RYR3: variants seen among roughly 807,000 people sequenced by gnomAD.
The protein encoded by RYR3 is ryanodine receptor 3.
Under a neutral mutation model 584.3 loss-of-function variants are expected in RYR3, and 207 were observed. The ratio of observed to expected loss-of-function variants is 0.35; its 90% CI spans 0.32 to 0.40. The LOEUF (loss-of-function observed/expected upper bound fraction) is 0.40, where lower values mean the gene tolerates loss of function less well. RYR3 is among the 10% of genes least tolerant of loss of function. The pLI is 1.00. For synonymous variants in RYR3, 2,416 were observed against 2,248.5 expected (o/e 1.07, Z -2.11); for missense variants, 5,616 against 6,089.2 (o/e 0.92, Z 2.59).
intron 1 of RYR3, among the ~76,000 whole-genome samples, chr15:33,355,853 G>A (rs758922183): frequency 2.0e-5 from 3 of 152,124 alleles, no homozygotes; most frequent in Non-Finnish European, 2.9e-5. Flanking sequence ...CTAGGTTCCC[G>A]CCACACAATT....
chr15:33,857,580 C>T (rs1367422459), intron 98 of RYR3, among the ~76,000 whole-genome samples, 200 bp from the exon 99 acceptor site: 2 of 152,152 alleles, frequency 1.3e-5, no homozygotes, highest in Admixed American at 6.5e-5. Context: ...TGCCAGGAAG[C>T]CCGCTTCTCT....
At chr15:33,490,808 C>T (rs74762755) in intron 2 of RYR3, among the ~76,000 whole-genome samples, 2 of 150,650 alleles carry the variant, frequency 1.3e-5, no homozygotes, top group Non-Finnish European at 3.0e-5. Context: ...ATTTTTACAA[C>T]CTTCTCTGGT....
chr15:33,662,238 G>A lies in RYR3; in HGVS notation c.4708G>A (p.Ala1570Thr), dbSNP rs774393965. 40 of 1,608,982 alleles carry A rather than the reference G, an allele frequency of 2.5e-5. No homozygotes were observed. The highest frequency in any genetic ancestry group is 8.4e-5 in the Admixed American group (5 of 59,322). The part of the protein sequence containing the change: ...HTLRLYSAVC[A>T]LGNSRVAYAL... The stretch of plus-strand genomic sequence containing the variant: ...GCTGAGGCTCTACAGCGCGGTGTGC[G>A]CCCTGGGAAACAGCCGCGTGGCCTA... Residue 1570 changes from alanine (A) to threonine (T), a missense_variant, in exon 35 of 104, where the codon GCC becomes ACC. Ala to Thr is a moderately conservative substitution (Grantham distance 58). This residue lies in a region of RYR3 where 753 missense variants were observed against 741.0 expected (regional missense o/e 1.02). Coordinates refer to ENST00000634891, the MANE Select transcript of RYR3 (RefSeq NM_001036.6).
At chr15:33,750,508 C>A (rs890719008) in intron 57 of RYR3, among the ~76,000 whole-genome samples, 8 of 152,146 alleles carry the variant, frequency 5.3e-5, no homozygotes, top group Admixed American at 1.3e-4. Context: ...ACAAATTATA[C>A]CTACATACCT....
chr15:33,344,033 G>T (rs1972139881), intron 1 of RYR3, among the ~76,000 whole-genome samples: 1 of 152,188 alleles, frequency 6.6e-6, no homozygotes, highest in Non-Finnish European at 1.5e-5. Flanking sequence ...GTCCCGAAAT[G>T]CTGTCGCAAG....
rs1164733269 is a variant in RYR3, at chr15:33,699,310, TTCCTCACTTTCTC to T, written c.6250-375_6250-363del. 4.3e-3 allele frequency among the ~76,000 whole-genome samples: 563 copies of T among 131,606 alleles called. 7 individuals carry two copies. The highest frequency in any genetic ancestry group is 0.016 in the African/African-American group (538 of 34,618). The allele number at this position is 131,606 out of a possible 152,430, so 86.3% of individuals were successfully genotyped here. A position where few individuals can be genotyped will look rare whatever the true frequency, so the allele number is the denominator to read the frequency against. On this transcript the variant is annotated intron_variant, in intron 40 of 103. Transcript: ENST00000634891. ...TCTCTCCTCTTTCTCTCCTCACTCT[TTCCTCACTTTCTC>T]TCCTCACTTTCTCTCCTCTCTGTCT...
chr15:33,575,847 T>A (rs372095052), intron 12 of RYR3, among the ~76,000 whole-genome samples: 22,608 of 149,192 alleles, frequency 0.15, 2,633 homozygotes, highest in African/African-American at 0.33. Flanking sequence ...AAAAAAAAAA[T>A]TAATAAAATA....
chr15:33,659,923 C>G, intron 33 of RYR3, 117 bp downstream of exon 33: 1 of 729,142 alleles, frequency 1.4e-6, no homozygotes, highest in Non-Finnish European at 2.3e-6. Context: ...CATAAGCCCC[C>G]CACCCCCAGG....
At chr15:33,409,260 T>A (rs1398809383) in intron 1 of RYR3, among the ~76,000 whole-genome samples, 3 of 151,686 alleles carry the variant, frequency 2.0e-5, no homozygotes, top group Non-Finnish European at 4.4e-5. Context: ...TGTATACATG[T>A]GCCATGTTGG....
chr15:33,552,825 T>C (rs543336834), intron 10 of RYR3, among the ~76,000 whole-genome samples: 1 of 152,330 alleles, frequency 6.6e-6, no homozygotes, highest in South Asian at 2.1e-4. Context: ...CTGATTTTCC[T>C]GGGCTTCCAT....
At position 33,864,111 on chromosome 15, in the gene RYR3, T is replaced by G; in HGVS notation, c.14466-27T>G. On this transcript the variant is annotated intron_variant, in intron 102 of 103. Transcript: ENST00000634891. ...ATGAACTTGGGTCTTGACCAGAGTA[T>G]CTAATACTATCTTTTCCTCGTTCCA... The G allele has an allele frequency of 1.9e-6, 3 of 1,580,146 alleles. No individual in the cohort carries two copies. The South Asian group carries it at 3.4e-5, about 18-fold the overall frequency.
rs752771681 is a variant in RYR3, at chr15:33,540,828, C to T, written c.584C>T (p.Ala195Val). 1 of 1,612,316 alleles carries T rather than the reference C, an allele frequency of 6.2e-7. No homozygotes were observed. The change falls in exon 7 of 104, where the codon GCC becomes GTC. Residue 195 changes from alanine (A) to valine (V), a missense_variant. Physicochemically the swap from Ala to Val is moderately conservative, Grantham distance 64. Around this residue, in one of 9 missense-constraint regions of RYR3, gnomAD observed 1,284 missense variants for 1,344.6 expected, o/e 0.95. Coordinates refer to ENST00000634891, the MANE Select transcript of RYR3 (RefSeq NM_001036.6). Reference sequence around the variant, plus strand: ...TCAAATGGTAACATACAAGTGGATGCCTCCTTTATGCAAACACTCTGGAAT... The same window carrying T: ...TCAAATGGTAACATACAAGTGGATGTCTCCTTTATGCAAACACTCTGGAAT... ...SVSNGNIQVD[A>V]SFMQTLWNVH... is the part of the protein sequence containing the mutation.
chr15:33,575,790 C>A (rs2058268425), intron 12 of RYR3, among the ~76,000 whole-genome samples: 1 of 150,294 alleles, frequency 6.7e-6, no homozygotes, highest in African/African-American at 2.5e-5. Context: ...GAGATAGAGA[C>A]ACAGAAAGCC....
intron 69 of RYR3, among the ~76,000 whole-genome samples, chr15:33,805,459 T>A (rs1343994008): frequency 7.5e-6 from 1 of 133,136 alleles, no homozygotes; most frequent in African/African-American, 3.0e-5. Flanking sequence ...CCCCTACCAC[T>A]TTTCTCTCTC....
intron 32 of RYR3, among the ~76,000 whole-genome samples, chr15:33,654,182 A>G (rs2062681228): frequency 6.6e-6 from 1 of 152,132 alleles, no homozygotes; most frequent in African/African-American, 2.4e-5. Context: ...AATGTTCATT[A>G]AGGAGAAATC....
intron 52 of RYR3, among the ~76,000 whole-genome samples, chr15:33,743,744 G>A (rs1271671776): frequency 6.6e-6 from 1 of 152,288 alleles, no homozygotes; most frequent in Non-Finnish European, 1.5e-5. Flanking sequence ...AGCTGCCATC[G>A]TCTTTCACCC....
intron 66 of RYR3, 95 bp downstream of exon 66, chr15:33,786,077 A>G: frequency 1.8e-6 from 2 of 1,126,804 alleles, no homozygotes; most frequent in Non-Finnish European, 2.5e-6. Flanking sequence ...GGTTTTGCAC[A>G]AGCTCTATTC....
intron 86 of RYR3, among the ~76,000 whole-genome samples, chr15:33,832,679 A>C (rs1208754618): frequency 1.3e-5 from 2 of 149,260 alleles, no homozygotes; most frequent in Admixed American, 6.7e-5. Flanking sequence ...AAAACCCTAC[A>C]TACGTATGAG....
At chr15:33,443,856 T>G (rs540759564) in intron 1 of RYR3, among the ~76,000 whole-genome samples, 189 of 152,362 alleles carry the variant, frequency 1.2e-3, no homozygotes, top group Non-Finnish European at 2.4e-3. Flanking sequence ...TTATCATTTT[T>G]GGAGATTTCA....
Sources: allele counts gnomAD v4.1 joint callset (sites outside exome capture counted in the v4.1 genomes callset), GRCh38; gene constraint gnomAD v4.1.1; regional missense constraint gnomAD v4.1.1; transcripts MANE v1.5; gene names NCBI Gene and HGNC (gene_info 2026-07-23, HGNC 2026-07-21).